The following TMEM230 variants were observed in gnomAD, a reference collection of about 807,000 sequenced individuals.
TMEM230 encodes UPF0414 transmembrane protein C20orf30.
A neutral mutation model predicts 15.8 loss-of-function variants in TMEM230; 10 were observed. That is an observed-to-expected ratio of 0.63 (90% confidence interval 0.39 to 1.07). TMEM230 has a LOEUF of 1.07. TMEM230 is among the 50% of genes least tolerant of loss of function. The pLI is 0.01. For missense variants in TMEM230, 165 were observed against 193.3 expected (o/e 0.85, Z 0.87); for synonymous variants, 67 against 76.9 (o/e 0.87, Z 0.68).
At position 5,106,309 on chromosome 20, in the gene TMEM230, A is replaced by C. The variant is rs1009794599; in HGVS notation, c.290T>G (p.Phe97Cys). The C allele has an allele frequency of 1.2e-6, 2 of 1,601,288 alleles. No individual in the cohort carries two copies. The highest frequency in any genetic ancestry group is 2.7e-5 in the African/African-American group (2 of 73,906). ...AGGGATCTTAGGAGGGGTTTTCTTA[A>C]ACTGGAAGAGAAATAGAGATGAAAA... Residue 97 changes from phenylalanine (F) to cysteine (C), a missense_variant and splice_region_variant, in exon 4 of 5, where the codon TTT (phenylalanine) becomes TGT (cysteine). Physicochemically the swap from Phe to Cys is radical, Grantham distance 205 (BLOSUM62 -2). Transcript: ENST00000342308.
intron 3 of TMEM230, among the ~76,000 whole-genome samples, chr20:5,086,230 TAAAAAA>T (rs570691228): frequency 4.1e-5 from 5 of 123,026 alleles, no homozygotes; most frequent in African/African-American, 1.6e-4. Flanking sequence ...TCATTTCTAT[TAAAAAA>T]AAAAAAAAAA....
chr20:5,101,080 C>T (rs972723926), intron 4 of TMEM230, 149 bp from the exon 4 acceptor site: 1 of 1,004,800 alleles, frequency 1.0e-6, no homozygotes, highest in Non-Finnish European at 1.4e-6. Flanking sequence ...AGGTTTCCTC[C>T]TGATTATAAA....
downstream of TMEM230, chr20:5,066,240 G>A (rs1270263490): frequency 6.6e-6 from 1 of 152,228 alleles, no homozygotes; most frequent in Non-Finnish European, 1.5e-5. Flanking sequence ...AGCTGGTCAG[G>A]GTGAGTCACT....
At chr20:5,067,436 TA>T (rs1249876167), downstream of TMEM230, 6 of 99,512 alleles carry the variant, frequency 6.0e-5, 1 homozygote, top group African/African-American at 3.9e-4. Flanking sequence ...TATATATATA[TA>T]TATATATATA....
rs1205703171 is a variant in TMEM230 at position 5,101,657 on chromosome 20, G to C, written c.412-726C>G. On this transcript the variant is annotated intron_variant, in intron 4 of 4. Transcript: ENST00000342308. ...TGCCCAGGCTGGTCTCGAACTCTGG[G>C]GCTCAAGCAATCCTCCTGCCTCAGC... 3.3e-5 allele frequency among the ~76,000 whole-genome samples: 5 copies of C among 152,154 alleles called. No homozygotes were observed. The East Asian group carries it at 9.6e-4, about 29-fold the overall frequency.
intron 3 of TMEM230, among the ~76,000 whole-genome samples, chr20:5,107,870 G>C (rs2090157564): frequency 6.6e-6 from 1 of 151,312 alleles, no homozygotes. Flanking sequence ...CCAGCGCTTT[G>C]GGAGGCCGAA....
chr20:5,081,202 A>C (rs1489581143), intron 3 of TMEM230, among the ~76,000 whole-genome samples: 1 of 152,214 alleles, frequency 6.6e-6, no homozygotes, highest in Non-Finnish European at 1.5e-5. Flanking sequence ...TGTGGGTTTG[A>C]ATCTGAGATG....
chr20:5,086,033 A>G (rs1053559196), intron 3 of TMEM230, among the ~76,000 whole-genome samples: 2 of 152,094 alleles, frequency 1.3e-5, no homozygotes, highest in Non-Finnish European at 2.9e-5. Context: ...TTCCACTTTT[A>G]TAATTTAAGC....
At chr20:5,064,588 A>T (rs1246314315), downstream of TMEM230, among the ~76,000 whole-genome samples, 2 of 152,184 alleles carry the variant, frequency 1.3e-5, no homozygotes, top group African/African-American at 4.8e-5. Context: ...AAATAAAAAA[A>T]GACTGACATT....
intron 3 of TMEM230, among the ~76,000 whole-genome samples, chr20:5,072,737 T>A (rs1234874514): frequency 1.4e-5 from 2 of 148,062 alleles, no homozygotes; most frequent in Non-Finnish European, 3.0e-5. Context: ...TAGTCCCAGC[T>A]ACACGGGAGG....
exon 4 of TMEM230, chr20:5,069,119 G>A (rs922266228): frequency 3.8e-5 from 48 of 1,261,034 alleles, no homozygotes; most frequent in Admixed American, 2.6e-5. Context: ...TCATGCTGAC[G>A]TACTTATTCC....
At chr20:5,106,059 C>G in intron 4 of TMEM230, 129 bp downstream of exon 3, 1 of 1,386,366 alleles carries the variant, frequency 7.2e-7, no homozygotes, top group South Asian at 1.5e-5. Context: ...TCAAAAAAAA[C>G]AGACCACTGG....
At chr20:5,083,815 G>A (rs1423759161) in intron 3 of TMEM230, among the ~76,000 whole-genome samples, 2 of 152,056 alleles carry the variant, frequency 1.3e-5, no homozygotes, top group African/African-American at 2.4e-5. Flanking sequence ...CCATAATATT[G>A]TTCAACTAGG....
chr20:5,099,054 A>C (rs1190463438), downstream of TMEM230, among the ~76,000 whole-genome samples: 1 of 152,044 alleles, frequency 6.6e-6, no homozygotes, highest in African/African-American at 2.4e-5. Flanking sequence ...GGCCAGGCTC[A>C]GTAGCTCATG....
intron 3 of TMEM230, among the ~76,000 whole-genome samples, chr20:5,091,362 C>T (rs1299299424): frequency 6.6e-6 from 1 of 152,180 alleles, no homozygotes; most frequent in South Asian, 2.1e-4. Flanking sequence ...AGGTATGCAT[C>T]ACTACACCTG....
chr20:5,110,857 T>C (rs1331501880), intron 2 of TMEM230, among the ~76,000 whole-genome samples: 2 of 152,202 alleles, frequency 1.3e-5, no homozygotes, highest in Admixed American at 1.3e-4. Context: ...GTGGGTAAGT[T>C]TGAAAAATCA....
At chr20:5,068,544 T>G (rs2088719857) in exon 4 of TMEM230, 1 of 152,374 alleles carries the variant, frequency 6.6e-6, no homozygotes, top group Admixed American at 6.6e-5. Flanking sequence ...TATAAAACCA[T>G]CAGATCTCAT....
At chr20:5,091,353 G>A (rs1049053058) in intron 3 of TMEM230, among the ~76,000 whole-genome samples, 2 of 152,092 alleles carry the variant, frequency 1.3e-5, no homozygotes, top group African/African-American at 4.8e-5. Context: ...TGGGATTACA[G>A]GTATGCATCA....
the TMEM230 span, chr20:5,060,889 G>A: frequency 2.0e-5 from 3 of 152,076 alleles, no homozygotes; most frequent in Non-Finnish European, 4.4e-5. Context: ...TGTGTCTTCA[G>A]TTTTACTGAT....
Sources: allele counts gnomAD v4.1 joint callset (sites outside exome capture counted in the v4.1 genomes callset), GRCh38; gene constraint gnomAD v4.1.1; transcripts MANE v1.5; gene names NCBI Gene and HGNC (gene_info 2026-07-23, HGNC 2026-07-21).